Variants in NCAM1 observed in about 807,000 individuals in gnomAD.
NCAM1 encodes the protein neural cell adhesion molecule 1.
NCAM1 carries 14 observed loss-of-function variants against 109.8 expected under a neutral mutation model. That is an observed-to-expected ratio of 0.13 (90% confidence interval 0.08 to 0.20). The LOEUF (loss-of-function observed/expected upper bound fraction) is 0.20. Ranked by LOEUF, NCAM1 falls within the 10% of genes least tolerant of loss-of-function variation. The pLI is 1.00. For missense variants in NCAM1, 774 were observed against 1,109.9 expected (o/e 0.70, Z 4.30); for synonymous variants, 418 against 442.9 (o/e 0.94, Z 0.70).
intron 7 of NCAM1, among the ~76,000 whole-genome samples, chr11:113,210,423 A>G (rs1591421329): frequency 6.6e-6 from 1 of 152,250 alleles, no homozygotes; most frequent in East Asian, 1.9e-4. Context: ...TCTAACAATG[A>G]TGGTTGTTAA....
chr11:113,270,364 A>G lies in NCAM1; in HGVS notation c.2308A>G (p.Lys770Glu). ...CGKAGPGAKGKDMEEGKAAFS... is the reference protein window; with the variant it reads ...CGKAGPGAKGEDMEEGKAAFS... The stretch of plus-strand genomic sequence containing the variant: ...AAAAGCCGGGCCCGGGGCCAAGGGC[A>G]AGGACATGGAGGAGGGCAAGGCCGC... Residue 770 changes from lysine (K) to glutamate (E), a missense_variant, in exon 18 of 20, where the codon AAG becomes GAG. Around this residue, in one of 4 missense-constraint regions of NCAM1, gnomAD observed 122 missense variants for 129.7 expected, o/e 0.94. Transcript: ENST00000316851. 1 of 1,614,000 alleles carries G rather than the reference A, an allele frequency of 6.2e-7. No individual in the cohort carries two copies. Among genetic ancestry groups the G allele is most frequent in the Non-Finnish European group, 8.5e-7 (1 of 1,179,892 alleles).
intron 1 of NCAM1, among the ~76,000 whole-genome samples, chr11:113,118,418 G>T (rs1435837933): frequency 2.0e-5 from 3 of 151,894 alleles, no homozygotes; most frequent in Admixed American, 2.0e-4. Flanking sequence ...AGATTTTCTT[G>T]GACTTAAGAA....
chr11:113,178,125 T>C (rs1286421017), intron 1 of NCAM1, among the ~76,000 whole-genome samples: 1 of 152,210 alleles, frequency 6.6e-6, no homozygotes, highest in Non-Finnish European at 1.5e-5. Flanking sequence ...GTCCCAACAT[T>C]ACAAATTTCC....
At chr11:113,151,842 C>T (rs980894922) in intron 1 of NCAM1, among the ~76,000 whole-genome samples, 1 of 152,206 alleles carries the variant, frequency 6.6e-6, no homozygotes, top group Non-Finnish European at 1.5e-5. Context: ...ATCCCATCAG[C>T]TTACCAATCC....
At chr11:113,239,051 A>T (rs1945252851) in intron 14 of NCAM1, among the ~76,000 whole-genome samples, 1 of 152,194 alleles carries the variant, frequency 6.6e-6, no homozygotes, top group South Asian at 2.1e-4. Flanking sequence ...GATATATCAG[A>T]GCAGGGATGA....
At chr11:113,068,933 C>T (rs1555084737) in intron 1 of NCAM1, among the ~76,000 whole-genome samples, 1 of 152,132 alleles carries the variant, frequency 6.6e-6, no homozygotes, top group East Asian at 1.9e-4. Context: ...TCTGGCTAAA[C>T]TTGATGCTTG....
intron 1 of NCAM1, among the ~76,000 whole-genome samples, chr11:113,000,875 A>G (rs976276391): frequency 4.8e-5 from 7 of 144,346 alleles, no homozygotes; most frequent in East Asian, 2.0e-4. Context: ...ATATATACAC[A>G]TACACGTATG....
intron 1 of NCAM1, among the ~76,000 whole-genome samples, chr11:113,169,400 A>G (rs1555105833): frequency 6.6e-6 from 1 of 152,156 alleles, no homozygotes. Flanking sequence ...TAGAACATGA[A>G]CTGTGATTTG....
rs1555090741 is a variant in NCAM1, at chr11:113,097,884, ATTT to A, written c.53-104494_53-104492del. Among the ~76,000 whole-genome samples the A allele has an allele frequency of 3.3e-5, 5 of 152,186 alleles. No individual in the cohort carries two copies. The South Asian group carries it at 6.2e-4, about 19-fold the overall frequency. ...AGAAAGAAAACTATAGAGAGACTTT[ATTT>A]ATCTCCTGTTGCAGGGGCAATGAAG... On this transcript the variant is annotated intron_variant, in intron 1 of 19. Transcript: ENST00000316851.
chr11:113,002,916 G>A (rs1412058712), intron 1 of NCAM1, among the ~76,000 whole-genome samples: 1 of 152,188 alleles, frequency 6.6e-6, no homozygotes, highest in African/African-American at 2.4e-5. Context: ...TGAGAGAAAA[G>A]CAAAAATAGT....
At chr11:113,052,147 G>A (rs970116515) in intron 1 of NCAM1, among the ~76,000 whole-genome samples, 5 of 152,008 alleles carry the variant, frequency 3.3e-5, no homozygotes, top group Admixed American at 6.5e-5. Flanking sequence ...TTGTTTACCT[G>A]ACAGTAATCG....
chr11:113,260,397 G>A, intron 17 of NCAM1, 74 bp downstream of exon 17: 2 of 1,468,816 alleles, frequency 1.4e-6, no homozygotes, highest in Non-Finnish European at 1.8e-6. Context: ...TAATGCGCCT[G>A]AACAACCCTG....
intron 9 of NCAM1, chr11:113,222,048 A>C (rs1220653401): frequency 2.0e-5 from 3 of 152,236 alleles, no homozygotes; most frequent in African/African-American, 7.2e-5. Context: ...TTTGATTGCC[A>C]CATCTCAAGA....
chr11:113,191,954 A>C (rs1943691445), intron 1 of NCAM1, among the ~76,000 whole-genome samples: 1 of 152,220 alleles, frequency 6.6e-6, no homozygotes, highest in African/African-American at 2.4e-5. Context: ...AGGATCTAAA[A>C]TTCTCAGGAT....
chr11:113,161,101 G>A (rs1942586797), intron 1 of NCAM1, among the ~76,000 whole-genome samples: 1 of 152,044 alleles, frequency 6.6e-6, no homozygotes, highest in Middle Eastern at 3.2e-3. Context: ...ACACATGATC[G>A]TGATCTACAC....
chr11:112,968,323 A>C (rs782155430), intron 1 of NCAM1, among the ~76,000 whole-genome samples: 1 of 152,250 alleles, frequency 6.6e-6, no homozygotes, highest in African/African-American at 2.4e-5. Flanking sequence ...TGCTATTATT[A>C]TTCAAATGAG....
chr11:113,042,192 A>C (rs2135431084), intron 1 of NCAM1, among the ~76,000 whole-genome samples: 1 of 152,254 alleles, frequency 6.6e-6, no homozygotes, highest in South Asian at 2.1e-4. Context: ...AGAGGGACAG[A>C]GAATATCCCC....
chr11:113,242,974 T>C, intron 14 of NCAM1: 1 of 1,528,986 alleles, frequency 6.5e-7, no homozygotes, highest in Non-Finnish European at 8.8e-7. Flanking sequence ...GCATGAAGGC[T>C]CCTAGCCTGG....
chr11:113,010,791 A>C (rs1338402271), intron 1 of NCAM1, among the ~76,000 whole-genome samples: 1 of 152,240 alleles, frequency 6.6e-6, no homozygotes, highest in Non-Finnish European at 1.5e-5. Context: ...GATATGACCC[A>C]CACACATGAA....
Sources: gnomAD v4.1 joint callset for allele counts (sites outside exome capture counted in the v4.1 genomes callset) on GRCh38, gnomAD v4.1.1 for gene constraint, gnomAD v4.1.1 regional missense constraint, MANE v1.5 for transcripts, NCBI Gene and HGNC (gene_info 2026-07-23, HGNC 2026-07-21) for gene names.